The following ARHGAP15 variants were observed in gnomAD, a reference collection of about 807,000 sequenced individuals.
ARHGAP15 encodes the protein rho GTPase-activating protein 15.
A neutral mutation model predicts 63.7 loss-of-function variants in ARHGAP15; 51 were observed. The observed-to-expected ratio is 0.80, with a 90% CI of 0.64 to 1.01. The LOEUF is 1.01. Ranked by LOEUF, ARHGAP15 falls within the 50% of genes least tolerant of loss-of-function variation. The probability of loss-of-function intolerance (pLI) is 0.00; values close to 1 mark genes in which losing one functional copy is unlikely to be tolerated. For missense variants in ARHGAP15, 560 were observed against 564.6 expected, an observed-to-expected ratio of 0.99 and a Z score of 0.08; for synonymous variants, 191 against 193.8, an observed-to-expected ratio of 0.99 and a Z score of 0.12.
intron 12 of ARHGAP15, among the ~76,000 whole-genome samples, chr2:143,661,601 C>A (rs1681779713): frequency 6.6e-6 from 1 of 152,174 alleles, no homozygotes; most frequent in Non-Finnish European, 1.5e-5. Context: ...CAGCTCCAGT[C>A]TACAGCTCCC....
intron 10 of ARHGAP15, among the ~76,000 whole-genome samples, chr2:143,536,995 G>C (rs1355634089): frequency 6.6e-6 from 1 of 152,058 alleles, no homozygotes; most frequent in Admixed American, 6.5e-5. Flanking sequence ...CACCAACAGT[G>C]TAAAAGTGTT....
chr2:143,351,587 AG>A (rs1415178277), intron 6 of ARHGAP15, among the ~76,000 whole-genome samples: 1 of 152,162 alleles, frequency 6.6e-6, no homozygotes, highest in Non-Finnish European at 1.5e-5. Flanking sequence ...TTCTTCTACA[AG>A]GAATGGCTTT....
chr2:143,244,629 G>A (rs191095968), intron 5 of ARHGAP15, among the ~76,000 whole-genome samples: 60 of 152,294 alleles, frequency 3.9e-4, no homozygotes, highest in Non-Finnish European at 7.1e-4. Context: ...AGAACCGAGA[G>A]GGATGGTTGG....
intron 13 of ARHGAP15, among the ~76,000 whole-genome samples, chr2:143,758,693 A>C (rs149083849): frequency 1.1e-4 from 16 of 152,318 alleles, no homozygotes; most frequent in African/African-American, 3.6e-4. Flanking sequence ...AAATTATAAT[A>C]CTGCTAACAG....
At chr2:143,167,406 C>T (rs1475791732) in intron 2 of ARHGAP15, among the ~76,000 whole-genome samples, 3 of 152,052 alleles carry the variant, frequency 2.0e-5, no homozygotes, top group African/African-American at 7.2e-5. Flanking sequence ...TGAGACCTCA[C>T]AATTCCTTAT....
intron 13 of ARHGAP15, among the ~76,000 whole-genome samples, chr2:143,739,336 G>A (rs751376766): frequency 2.0e-5 from 3 of 152,014 alleles, no homozygotes; most frequent in East Asian, 1.9e-4. Context: ...AAGTAAAACC[G>A]AGAATCAATA....
At position 143,228,492 on chromosome 2, in the gene ARHGAP15, T is replaced by C. The variant is rs1247087656; in HGVS notation, c.297-89T>C. On this transcript the variant is annotated intron_variant, in intron 4 of 13. Coordinates refer to ENST00000295095, the MANE Select transcript of ARHGAP15 (RefSeq NM_018460.4). ...GACTGTTAAAAATAAAGATGGTCTC[T>C]ACTCATTCCAAATGTTGCTCATACT... 1.2e-5 allele frequency: 9 copies of C among 759,384 alleles called. No homozygotes were observed. The Admixed American group carries it at 2.4e-4, about 20-fold the overall frequency. 47.0% of individuals were successfully genotyped at this position (759,384 alleles called of 1,614,324 possible).
At chr2:143,460,846 C>A (rs953540309) in intron 8 of ARHGAP15, among the ~76,000 whole-genome samples, 1 of 152,114 alleles carries the variant, frequency 6.6e-6, no homozygotes, top group African/African-American at 2.4e-5. Flanking sequence ...CTTCCAGGGG[C>A]AGTTTCACCA....
chr2:143,482,312 C>T (rs1466727498), intron 8 of ARHGAP15, among the ~76,000 whole-genome samples: 1 of 152,098 alleles, frequency 6.6e-6, no homozygotes. Context: ...CTGCAGGAAG[C>T]TTCACCCTCA....
chr2:143,262,535 A>ATT lies in ARHGAP15; in HGVS notation c.474+11958_474+11959dup, dbSNP rs67267617. 1.3e-3 allele frequency among the ~76,000 whole-genome samples: 122 copies of ATT among 90,914 alleles called. 4 individuals are homozygous for ATT. Among genetic ancestry groups the ATT allele is most frequent in the Middle Eastern group, 8.6e-3 (1 of 116 alleles). 59.6% of individuals were successfully genotyped at this position (90,914 alleles called of 152,430 possible). Reference sequence around the variant, plus strand: ...TGTATATGCGGGGTCTGAACCTTTGATTTTTTTTTTTTTTTTTTTTTTTTA... The same window carrying ATT: ...TGTATATGCGGGGTCTGAACCTTTGATTTTTTTTTTTTTTTTTTTTTTTTTTA... On this transcript the variant is annotated intron_variant, in intron 6 of 13. Coordinates refer to ENST00000295095, the MANE Select transcript of ARHGAP15 (RefSeq NM_018460.4).
chr2:143,746,631 TAGG>T (rs1686175448), intron 13 of ARHGAP15, among the ~76,000 whole-genome samples: 1 of 152,102 alleles, frequency 6.6e-6, no homozygotes, highest in African/African-American at 2.4e-5. Context: ...ACAAATGAAA[TAGG>T]AGGAAAGCTG....
intron 8 of ARHGAP15, among the ~76,000 whole-genome samples, chr2:143,486,135 A>G (rs1042738995): frequency 6.6e-6 from 1 of 152,174 alleles, no homozygotes; most frequent in African/African-American, 2.4e-5. Flanking sequence ...TCAAAAGCAT[A>G]TCTATATTTA....
At chr2:143,281,276 T>C (rs1558863995) in intron 6 of ARHGAP15, among the ~76,000 whole-genome samples, 1 of 152,204 alleles carries the variant, frequency 6.6e-6, no homozygotes, top group South Asian at 2.1e-4. Context: ...TCAAAATACA[T>C]CAAATATATA....
Position 143,612,598 on chromosome 2 carries a change from C to G in ARHGAP15, c.1004-11535C>G, listed in dbSNP as rs183931866. On this transcript the variant is annotated intron_variant, in intron 11 of 13. Coordinates refer to ENST00000295095, the MANE Select transcript of ARHGAP15 (RefSeq NM_018460.4). Reference sequence around the variant, plus strand: ...TCATGAGATAGGAGGCAGGACTCAACCACAGAGGCGAGGCTCAGACACCAA... The same window carrying G: ...TCATGAGATAGGAGGCAGGACTCAAGCACAGAGGCGAGGCTCAGACACCAA... Among the ~76,000 whole-genome samples, 21 of 152,326 alleles carry G rather than the reference C, an allele frequency of 1.4e-4. No homozygotes were observed. In the East Asian group the frequency reaches 3.7e-3, roughly 27 times the overall value.
In ARHGAP15 at chr2:143,437,296, G is replaced by T. The variant is rs1281506810; in HGVS notation, c.703+254G>T. 2.1e-5 allele frequency: 8 copies of T among 383,120 alleles called. No individual in the cohort carries two copies. In the East Asian group the frequency reaches 4.6e-4, roughly 22 times the overall value. The allele number at this position is 383,120 out of a possible 1,614,324, so 23.7% of individuals were successfully genotyped here. Reference sequence around the variant, plus strand: ...TTACAGCAAACCTCTGAATCTCTGAGTAATAGCCATGGTGTTCAGATCAGT... The same window carrying T: ...TTACAGCAAACCTCTGAATCTCTGATTAATAGCCATGGTGTTCAGATCAGT... On this transcript the variant is annotated intron_variant, in intron 8 of 13. Coordinates refer to ENST00000295095, the MANE Select transcript of ARHGAP15 (RefSeq NM_018460.4).
intron 13 of ARHGAP15, among the ~76,000 whole-genome samples, chr2:143,716,801 G>A (rs1283359699): frequency 2.0e-5 from 3 of 152,234 alleles, no homozygotes; most frequent in Non-Finnish European, 4.4e-5. Context: ...TGAGCCAACT[G>A]TGATAGAGGC....
chr2:143,271,700 G>A (rs987112558), intron 6 of ARHGAP15, among the ~76,000 whole-genome samples: 18 of 152,100 alleles, frequency 1.2e-4, no homozygotes, highest in African/African-American at 4.1e-4. Context: ...ATAGTCTCGC[G>A]CTCCTGACCT....
intron 13 of ARHGAP15, among the ~76,000 whole-genome samples, chr2:143,714,427 A>G (rs1218373410): frequency 6.6e-6 from 1 of 152,198 alleles, no homozygotes; most frequent in Non-Finnish European, 1.5e-5. Flanking sequence ...GGCTGCCATG[A>G]AGGTCTCTGA....
chr2:143,414,792 G>A (rs1345252006), intron 6 of ARHGAP15, among the ~76,000 whole-genome samples: 2 of 152,142 alleles, frequency 1.3e-5, no homozygotes, highest in Non-Finnish European at 2.9e-5. Flanking sequence ...AGTTAGCCGG[G>A]CGTGGTGGCG....
Sources: gnomAD v4.1 joint callset for allele counts (sites outside exome capture counted in the v4.1 genomes callset) on GRCh38, gnomAD v4.1.1 for gene constraint, MANE v1.5 for transcripts, NCBI Gene and HGNC (gene_info 2026-07-23, HGNC 2026-07-21) for gene names.